PLCG2: variants seen among roughly 807,000 people sequenced by gnomAD.
PLCG2 encodes phospholipase C gamma 2.
A neutral mutation model predicts 175.6 loss-of-function variants in PLCG2; 69 were observed. That is an observed-to-expected ratio of 0.39 (90% confidence interval 0.32 to 0.48). The LOEUF (loss-of-function observed/expected upper bound fraction) is 0.48. Among genes scored for constraint, PLCG2 ranks in the 20% least tolerant of loss-of-function variants. The pLI is 0.91. For synonymous variants in PLCG2, 827 were observed against 624.0 expected (o/e 1.33, Z -4.85); for missense variants, 1,798 against 1,650.9 (o/e 1.09, Z -1.54).
chr16:81,757,206 A>G (rs906647204), intron 2 of PLCG2, among the ~76,000 whole-genome samples: 6 of 152,118 alleles, frequency 3.9e-5, no homozygotes, highest in African/African-American at 1.2e-4. Context: ...CGATCATTCA[A>G]TCATCTCTTT....
At chr16:81,940,145 A>G in intron 30 of PLCG2, 86 bp downstream of exon 30, 2 of 1,231,818 alleles carry the variant, frequency 1.6e-6, no homozygotes, top group Non-Finnish European at 2.3e-6. Flanking sequence ...ATGAAAAATG[A>G]TTTTTCCTGG....
chr16:81,907,167 T>TA (rs952764015), intron 15 of PLCG2, among the ~76,000 whole-genome samples: 12 of 151,508 alleles, frequency 7.9e-5, no homozygotes, highest in South Asian at 2.1e-4. Context: ...AAAACGTTAT[T>TA]AAAAAAAAGA....
chr16:81,829,448 G>A (rs1229483669), intron 2 of PLCG2, among the ~76,000 whole-genome samples: 4 of 152,156 alleles, frequency 2.6e-5, no homozygotes, highest in Non-Finnish European at 5.9e-5. Flanking sequence ...GAACTCCTAA[G>A]CTCAGGTGAT....
At chr16:81,796,875 T>G (rs1911491753) in intron 2 of PLCG2, among the ~76,000 whole-genome samples, 1 of 152,186 alleles carries the variant, frequency 6.6e-6, no homozygotes, top group South Asian at 2.1e-4. Flanking sequence ...GGCCATCCAA[T>G]TTTTGGTATT....
chr16:81,835,935 G>A (rs1421837598), intron 2 of PLCG2, among the ~76,000 whole-genome samples: 2 of 152,136 alleles, frequency 1.3e-5, no homozygotes, highest in Admixed American at 1.3e-4. Flanking sequence ...AAGGACAGTA[G>A]TCTTGGGTTA....
At chr16:81,954,388 C>G (rs901288922) in intron 31 of PLCG2, among the ~76,000 whole-genome samples, 10 of 152,134 alleles carry the variant, frequency 6.6e-5, no homozygotes, top group Non-Finnish European at 1.0e-4. Flanking sequence ...ACTTTAAGTT[C>G]CAGGATACAA....
intron 11 of PLCG2, among the ~76,000 whole-genome samples, chr16:81,892,673 C>G (rs1419224745): frequency 6.6e-6 from 1 of 151,786 alleles, no homozygotes. Flanking sequence ...CTTTTATTTT[C>G]AGTTCAGAGG....
chr16:81,802,345 C>T (rs12445314), intron 2 of PLCG2, among the ~76,000 whole-genome samples: 1 of 151,310 alleles, frequency 6.6e-6, no homozygotes, highest in Non-Finnish European at 1.5e-5. Flanking sequence ...ATCTCCTGAC[C>T]TCGTGATCCA....
intron 5 of PLCG2, among the ~76,000 whole-genome samples, chr16:81,866,987 G>A (rs562007657): frequency 2.0e-5 from 3 of 152,232 alleles, no homozygotes; most frequent in Non-Finnish European, 4.4e-5. Context: ...GGCCCAACAG[G>A]GACTTTTTCT....
intron 23 of PLCG2, 100 bp from the exon 24 acceptor site, chr16:81,928,458 C>T: frequency 1.3e-6 from 1 of 775,072 alleles, no homozygotes. Flanking sequence ...TTAAACAGTT[C>T]CACAGGCAGT....
chr16:81,869,176 C>A (rs777779980), intron 5 of PLCG2, 38 bp from the exon 6 acceptor site: 2 of 1,527,344 alleles, frequency 1.3e-6, no homozygotes, highest in Non-Finnish European at 9.1e-7. Context: ...CTGTTGAAAA[C>A]CCTCAAGGTG....
At chr16:81,948,340 G>T (rs887597355) in intron 31 of PLCG2, among the ~76,000 whole-genome samples, 1 of 151,300 alleles carries the variant, frequency 6.6e-6, no homozygotes. Flanking sequence ...GGGAAAATAG[G>T]AAAGCTTAAA....
intron 22 of PLCG2, among the ~76,000 whole-genome samples, chr16:81,926,754 C>A (rs1200685587): frequency 6.6e-6 from 1 of 152,190 alleles, no homozygotes; most frequent in African/African-American, 2.4e-5. Context: ...AAATTCACAA[C>A]CTCCCCGAAA....
At position 81,961,360 on chromosome 16, in the gene PLCG2, T is replaced by G. The variant is rs1911771402; in HGVS notation, c.*3362T>G. On this transcript the variant is annotated 3_prime_UTR_variant, in exon 33 of 33. Coordinates refer to ENST00000564138, the MANE Select transcript of PLCG2 (RefSeq NM_002661.5). ...AAATAATTGTGGAGAAAAGCCCTCT[T>G]TATCTCATTAAGTGATACATTTCCA... 4.4e-6 allele frequency: 1 copy of G among 226,082 alleles called. No individual in the cohort carries two copies. The highest frequency in any genetic ancestry group is 8.8e-6 in the Non-Finnish European group (1 of 113,674). 14.0% of individuals were successfully genotyped at this position (226,082 alleles called of 1,614,324 possible). A position where few individuals can be genotyped will look rare whatever the true frequency, so the allele number is the denominator to read the frequency against.
chr16:81,872,329 A>G (rs1480678977), intron 7 of PLCG2, among the ~76,000 whole-genome samples: 2 of 152,214 alleles, frequency 1.3e-5, no homozygotes, highest in East Asian at 1.9e-4. Flanking sequence ...CTCCATCTCA[A>G]AACAAACACA....
intron 14 of PLCG2, among the ~76,000 whole-genome samples, chr16:81,903,965 C>G (rs532712198): frequency 6.6e-6 from 1 of 152,202 alleles, no homozygotes; most frequent in Non-Finnish European, 1.5e-5. Flanking sequence ...TAGGCGTGGT[C>G]ATATGTATCT....
At chr16:81,779,884 G>A (rs544862304) in intron 1 of PLCG2, among the ~76,000 whole-genome samples, 1 of 152,242 alleles carries the variant, frequency 6.6e-6, no homozygotes, top group African/African-American at 2.4e-5. Flanking sequence ...GATACCGCGG[G>A]AGGCGCAGTC....
At chr16:81,903,325 C>A (rs1336853780) in intron 14 of PLCG2, among the ~76,000 whole-genome samples, 1 of 152,070 alleles carries the variant, frequency 6.6e-6, no homozygotes, top group Non-Finnish European at 1.5e-5. Context: ...GGAGACAAAC[C>A]CGTCAACAGA....
At position 81,910,710 on chromosome 16, in the gene PLCG2, G is replaced by C. The variant is rs367884906; in HGVS notation, c.1924G>C (p.Glu642Gln). 2 of 1,608,900 alleles carry C rather than the reference G, an allele frequency of 1.2e-6. No homozygotes were observed. Among genetic ancestry groups the C allele is most frequent in the East Asian group, 4.5e-5 (2 of 44,878 alleles). The change falls in exon 18 of 33, where the codon GAG becomes CAG. Residue 642 changes from glutamate to glutamine, a missense_variant. Transcript: ENST00000564138. ...TDPVPNPNPH[E>Q]SKPWYYDSLS... ...CCCTGTGCCCAACCCCAACCCCCAC[G>C]AGTCCAAGCCGTACGTGTCTGAGGG...
Sources: gnomAD v4.1 joint callset for allele counts (sites outside exome capture counted in the v4.1 genomes callset) on GRCh38, gnomAD v4.1.1 for gene constraint, MANE v1.5 for transcripts, NCBI Gene and HGNC (gene_info 2026-07-23, HGNC 2026-07-21) for gene names.